Variants in NKAP observed in about 807,000 individuals in gnomAD.
NKAP encodes NFKB activating protein, also known as NF-kappa-B-activating protein.
In NKAP, 4 loss-of-function variants were observed where a neutral mutation model predicts 35.6. The ratio of observed to expected loss-of-function variants is 0.11; its 90% CI spans 0.06 to 0.26. The LOEUF is 0.26. NKAP is among the 10% of genes least tolerant of loss of function. The probability of loss-of-function intolerance (pLI) is 1.00; values close to 1 mark genes in which losing one functional copy is unlikely to be tolerated. For synonymous variants in NKAP, 106 were observed against 119.2 expected (o/e 0.89, Z 0.72); for missense variants, 238 against 321.9 (o/e 0.74, Z 1.99).
In NKAP at chrX:119,939,318, G is replaced by A. The variant is rs61053620; in HGVS notation, c.387-508C>T. Among the ~76,000 whole-genome samples the A allele has an allele frequency of 9.7e-3, 1,083 of 111,942 alleles. 12 individuals are homozygous for A. The highest frequency in any genetic ancestry group is 0.055 in the South Asian group (148 of 2,689). ...TATTTATTTTTTTAGATGGAGTCTC[G>A]CTCTGTCGCCCAGGCTGGAGTGCAG... On this transcript the variant is annotated intron_variant, in intron 1 of 8. Coordinates refer to ENST00000371410, the MANE Select transcript of NKAP (RefSeq NM_024528.4).
In NKAP at chrX:119,943,593, A is replaced by C. The variant is rs757848178; in HGVS notation, c.13T>G (p.Ser5Ala). The change falls in exon 1 of 9, where the codon TCC becomes GCC. Residue 5 changes from serine to alanine, a missense_variant. Ser to Ala is a moderately conservative substitution (Grantham distance 99). Transcript: ENST00000371410. MAPV[S>A]GSRSPDREAS... Reference sequence around the variant, plus strand: ...TCCCTATCCGGGCTGCGTGAGCCGGACACCGGAGCCATGGCTACTGGGGGG... The same window carrying C: ...TCCCTATCCGGGCTGCGTGAGCCGGCCACCGGAGCCATGGCTACTGGGGGG... The C allele has an allele frequency of 8.5e-7, 1 of 1,181,511 alleles. No individual in the cohort carries two copies. Among genetic ancestry groups the C allele is most frequent in the Admixed American group, 2.3e-5 (1 of 43,805 alleles).
At chrX:119,936,794 C>A in intron 2 of NKAP, 112 bp from the exon 3 acceptor site, 1 of 550,806 alleles carries the variant, frequency 1.8e-6, no homozygotes, top group South Asian at 2.9e-5. Flanking sequence ...TGTCCAAGAA[C>A]CATTAAAAGC....
rs142562267 is a variant in NKAP at position 119,928,134 on chromosome X, A to G, written c.1073+1882T>C. Reference sequence around the variant, plus strand: ...CTCTTAATGTCTTACATTTTTCCCCATAGAACCTTGGGCATCTTTTGTTAA... The same window carrying G: ...CTCTTAATGTCTTACATTTTTCCCCGTAGAACCTTGGGCATCTTTTGTTAA... On this transcript the variant is annotated intron_variant, in intron 8 of 8. Coordinates refer to ENST00000371410, the MANE Select transcript of NKAP (RefSeq NM_024528.4). 5.0e-3 allele frequency among the ~76,000 whole-genome samples: 563 copies of G among 112,249 alleles called. 4 individuals carry two copies. Among genetic ancestry groups the G allele is most frequent in the African/African-American group, 0.017 (528 of 30,955 alleles).
chrX:119,934,502 TTTC>T lies in NKAP; in HGVS notation c.726_728del (p.Lys243del). On this transcript the variant is annotated inframe_deletion, in exon 5 of 9. Transcript: ENST00000371410. ...AAACTTAAAAAACTGACGATCTGTG[TTTC>T]TTCTTCTTTTCCTTTTTCTTGGCTT... is the stretch of plus-strand genomic sequence containing the variant. 1 of 1,144,900 alleles carries T rather than the reference TTTC, an allele frequency of 8.7e-7. No individual in the cohort carries two copies. Among genetic ancestry groups the T allele is most frequent in the Non-Finnish European group, 1.2e-6 (1 of 862,102 alleles). The allele number at this position is 1,144,900 out of a possible 1,213,427, so 94.4% of individuals were successfully genotyped here.
In NKAP at chrX:119,924,819, T is replaced by C; in HGVS notation, c.*401A>G. ...CTCCTGCCTCTTCCTCTCGAGTAGCTGGGACTACAGGTGTGCGCCACCACT... is the reference window on the plus strand; with the variant it reads ...CTCCTGCCTCTTCCTCTCGAGTAGCCGGGACTACAGGTGTGCGCCACCACT... On this transcript the variant is annotated 3_prime_UTR_variant, in exon 9 of 9. Transcript: ENST00000371410. 7.5e-6 allele frequency: 1 copy of C among 133,378 alleles called. No homozygotes were observed. 11.0% of individuals were successfully genotyped at this position (133,378 alleles called of 1,213,427 possible). A position where few individuals can be genotyped will look rare whatever the true frequency, so the allele number is the denominator to read the frequency against.
chrX:119,933,685 GT>G (rs1280425031), intron 5 of NKAP, among the ~76,000 whole-genome samples: 2 of 106,846 alleles, frequency 1.9e-5, no homozygotes, highest in Non-Finnish European at 3.9e-5. Context: ...ATGGGTTTTT[GT>G]TTTTTTTTTA....
In NKAP at chrX:119,922,436, TA is replaced by T. The variant is rs1398174602; in HGVS notation, c.*2783del. ...TAAGACTGTTAATACTGTTTAATTA[TA>T]AAACTTTGGGCCGGGTGTGGTGGCT... On this transcript the variant is annotated 3_prime_UTR_variant, in exon 9 of 9. Transcript: ENST00000371410. 1 of 112,196 alleles carries T rather than the reference TA, an allele frequency of 8.9e-6. No individual in the cohort carries two copies. The highest frequency in any genetic ancestry group is 1.9e-5 in the Non-Finnish European group (1 of 53,261). The allele number at this position is 112,196 out of a possible 1,213,427, so 9.2% of individuals were successfully genotyped here.
chrX:119,934,453 A>AAAAAAAAAAAAAAAAAAAT (rs2056757059), intron 5 of NKAP, 41 bp downstream of exon 5: 1 of 809,443 alleles, frequency 1.2e-6, no homozygotes, highest in African/African-American at 2.3e-5. Context: ...AAAAAAAAAA[A>AAAAAAAAAAAAAAAAAAAT]AAGAAAAGAA....
chrX:119,932,132 C>T lies in NKAP; in HGVS notation c.822G>A (p.Leu274=). Residue 274 remains leucine, a synonymous_variant, in exon 6 of 9, where the codon CTG becomes CTA. Coordinates refer to ENST00000371410, the MANE Select transcript of NKAP (RefSeq NM_024528.4). ...SSSKESQEEF[L]ENPWKDRTKA... Reference sequence around the variant, plus strand: ...TTGTTCGATCCTTCCAGGGATTTTCCAGAAACTCTTCTTGGGATTCTTTAG... The same window carrying T: ...TTGTTCGATCCTTCCAGGGATTTTCTAGAAACTCTTCTTGGGATTCTTTAG... The T allele has an allele frequency of 8.3e-7, 1 of 1,209,476 alleles. No individual in the cohort carries two copies. Among genetic ancestry groups the T allele is most frequent in the Non-Finnish European group, 1.1e-6 (1 of 893,930 alleles).
chrX:119,939,240 T>C (rs1388469266), intron 1 of NKAP, among the ~76,000 whole-genome samples: 9 of 112,543 alleles, frequency 8.0e-5, no homozygotes, highest in Non-Finnish European at 1.3e-4. Flanking sequence ...GCATTAGACG[T>C]AGAAAACAAC....
chrX:119,931,908 T>C, intron 7 of NKAP, 28 bp downstream of exon 7: 1 of 1,105,986 alleles, frequency 9.0e-7, no homozygotes, highest in East Asian at 3.2e-5. Context: ...GTAGGTACTT[T>C]AGATATTATA....
intron 6 of NKAP, 32 bp from the exon 7 acceptor site, chrX:119,932,043 A>T: frequency 8.5e-7 from 1 of 1,177,969 alleles, no homozygotes; most frequent in Non-Finnish European, 1.2e-6. Flanking sequence ...ACACATTCAC[A>T]TTCTGACTAA....
intron 4 of NKAP, among the ~76,000 whole-genome samples, chrX:119,935,408 G>C (rs1007315259): frequency 3.6e-5 from 4 of 111,586 alleles, no homozygotes; most frequent in African/African-American, 9.8e-5. Context: ...AGAGGATGTT[G>C]CAAGAGAGTG....
At chrX:119,936,068 C>T (rs1025955117) in intron 4 of NKAP, among the ~76,000 whole-genome samples, 1 of 111,730 alleles carries the variant, frequency 9.0e-6, no homozygotes, top group Non-Finnish European at 1.9e-5. Context: ...TACTTATAAC[C>T]TGCTCTGTCT....
chrX:119,930,834 CAAAACAAAAA>C (rs1167934360), intron 7 of NKAP, among the ~76,000 whole-genome samples: 1 of 80,464 alleles, frequency 1.2e-5, no homozygotes, highest in East Asian at 3.5e-4. Flanking sequence ...CAAAACAAAA[CAAAACAAAAA>C]AAAAAAACAA....
intron 8 of NKAP, among the ~76,000 whole-genome samples, chrX:119,925,713 A>T (rs998365606): frequency 2.0e-4 from 22 of 108,346 alleles, no homozygotes; most frequent in Non-Finnish European, 4.0e-4. Context: ...AGGTCTGGCT[A>T]ATTTTTGCAT....
rs2056744536 is a variant in NKAP at position 119,932,155 on chromosome X, T to C, written c.799A>G (p.Lys267Glu). 1 of 1,210,406 alleles carries C rather than the reference T, an allele frequency of 8.3e-7. No individual in the cohort carries two copies. The highest frequency in any genetic ancestry group is 1.1e-6 in the Non-Finnish European group (1 of 894,595). Reference sequence around the variant, plus strand: ...TCCAGAAACTCTTCTTGGGATTCTTTAGAGCTTGAATCACTGGACTCTTTT... The same window carrying C: ...TCCAGAAACTCTTCTTGGGATTCTTCAGAGCTTGAATCACTGGACTCTTTT... ...SRKESSDSSS[K>E]ESQEEFLENP... Residue 267 changes from lysine to glutamate, a missense_variant, in exon 6 of 9, where the codon AAA becomes GAA. Coordinates refer to ENST00000371410, the MANE Select transcript of NKAP (RefSeq NM_024528.4).
At chrX:119,925,938 T>C (rs1235331727) in intron 8 of NKAP, among the ~76,000 whole-genome samples, 3 of 93,925 alleles carry the variant, frequency 3.2e-5, no homozygotes, top group East Asian at 3.2e-4. Context: ...TCTTTTTTTT[T>C]TTTTTTTAAT....
Position 119,925,100 on chromosome X carries a change from T to C in NKAP, c.*120A>G, listed in dbSNP as rs1237431222. The C allele has an allele frequency of 7.1e-6, 5 of 704,423 alleles. No homozygotes were observed. Among genetic ancestry groups the C allele is most frequent in the Non-Finnish European group, 1.1e-5 (5 of 475,077 alleles). The allele number at this position is 704,423 out of a possible 1,213,427, so 58.1% of individuals were successfully genotyped here. On this transcript the variant is annotated 3_prime_UTR_variant, in exon 9 of 9. Transcript: ENST00000371410. ...TTATTGAAGGACTGAAAGAATTAAA[T>C]AGAAGGCACAGTAGCACTGTAAAGC...
Sources: allele counts gnomAD v4.1 joint callset (sites outside exome capture counted in the v4.1 genomes callset), GRCh38; gene constraint gnomAD v4.1.1; transcripts MANE v1.5; gene names NCBI Gene and HGNC (gene_info 2026-07-23, HGNC 2026-07-21).